The following TBX20 variants were observed in gnomAD, a reference collection of about 807,000 sequenced individuals.
TBX20 encodes T-box transcription factor 20.
Under a neutral mutation model 42.9 loss-of-function variants are expected in TBX20, and 8 were observed. That is an observed-to-expected ratio of 0.19 (90% CI 0.11 to 0.34). TBX20 has a LOEUF of 0.34. TBX20 is among the 10% of genes least tolerant of loss of function. The pLI, the probability that TBX20 is intolerant of heterozygous loss-of-function variation, is 1.00. For missense variants in TBX20, 411 were observed against 566.0 expected, an observed-to-expected ratio of 0.73 and a Z score of 2.78; for synonymous variants, 198 against 222.8, an observed-to-expected ratio of 0.89 and a Z score of 0.99.
intron 6 of TBX20, among the ~76,000 whole-genome samples, chr7:35,228,931 A>G (rs1789822409): frequency 6.6e-6 from 1 of 152,184 alleles, no homozygotes; most frequent in African/African-American, 2.4e-5. Context: ...GCTACACACA[A>G]AGTGAGACAT....
rs755600154 is a variant in TBX20, at chr7:35,250,046, C to T, written c.285G>A (p.Glu95=). ...LIPTTPIIPS[E]EMAKIACSLE... ...GGCTGCAGGCAATTTTGGCCATTTCCTCACTGGGGATGATGGGGGTGGTGG... is the reference window on the plus strand; with the variant it reads ...GGCTGCAGGCAATTTTGGCCATTTCTTCACTGGGGATGATGGGGGTGGTGG... Residue 95 remains glutamate, a synonymous_variant, in exon 2 of 8, where the codon GAG becomes GAA. Coordinates refer to ENST00000408931, the MANE Select transcript of TBX20 (RefSeq NM_001077653.2). 10 of 1,614,004 alleles carry T rather than the reference C, an allele frequency of 6.2e-6. No homozygotes were observed. The highest frequency in any genetic ancestry group is 2.2e-5 in the East Asian group (1 of 44,864).
At position 35,241,063 on chromosome 7, in the gene TBX20, G is replaced by T. The variant is rs758816182; in HGVS notation, c.655-26C>A. 5 of 1,609,568 alleles carry T rather than the reference G, an allele frequency of 3.1e-6. No homozygotes were observed. In the East Asian group the frequency reaches 1.1e-4, roughly 36 times the overall value. ...CTACAACAAAAAGATGGGAAGTACT[G>T]AATTTTACATACTTATACTGCTAAA... On this transcript the variant is annotated intron_variant, in intron 4 of 7. Coordinates refer to ENST00000408931, the MANE Select transcript of TBX20 (RefSeq NM_001077653.2).
At chr7:35,207,887 T>C (rs1584339559) in intron 6 of TBX20, among the ~76,000 whole-genome samples, 1 of 152,194 alleles carries the variant, frequency 6.6e-6, no homozygotes, top group Non-Finnish European at 1.5e-5. Context: ...ATTAGTACTC[T>C]ATCTTTTTTT....
At chr7:35,225,226 GC>G (rs1238065114) in intron 6 of TBX20, among the ~76,000 whole-genome samples, 1 of 152,006 alleles carries the variant, frequency 6.6e-6, no homozygotes, top group Non-Finnish European at 1.5e-5. Flanking sequence ...ACAAAAGTAA[GC>G]ATCTCCAAAA....
At chr7:35,215,839 C>T (rs1446940596) in intron 6 of TBX20, among the ~76,000 whole-genome samples, 2 of 152,138 alleles carry the variant, frequency 1.3e-5, no homozygotes, top group Non-Finnish European at 2.9e-5. Context: ...TCTGCCAAAA[C>T]ATTCAGAACC....
In TBX20 at chr7:35,206,502, G is replaced by A. The variant is rs186064456; in HGVS notation, c.891-1920C>T. On this transcript the variant is annotated intron_variant, in intron 6 of 7. Coordinates refer to ENST00000408931, the MANE Select transcript of TBX20 (RefSeq NM_001077653.2). ...GCAGAGGCTGCAGTGAGCCGAGATC[G>A]TGCCACTTCACTCCAGCCTAGACAA... 5.8e-4 allele frequency among the ~76,000 whole-genome samples: 88 copies of A among 152,240 alleles called. 1 individual carries two copies. The highest frequency in any genetic ancestry group is 4.1e-3 in the Admixed American group (63 of 15,284).
intron 6 of TBX20, among the ~76,000 whole-genome samples, chr7:35,210,118 T>G (rs1014416726): frequency 6.8e-6 from 1 of 148,122 alleles, no homozygotes; most frequent in African/African-American, 2.5e-5. Flanking sequence ...TATTTTCTTT[T>G]TTTTTTTTTT....
intron 5 of TBX20, among the ~76,000 whole-genome samples, chr7:35,231,930 C>A (rs1313384492): frequency 6.6e-6 from 1 of 152,088 alleles, no homozygotes; most frequent in Non-Finnish European, 1.5e-5. Flanking sequence ...ATGGGAGAAC[C>A]ACCTAAATGG....
In TBX20 at chr7:35,250,120, T is replaced by G. The variant is rs1790275819; in HGVS notation, c.211A>C (p.Ser71Arg). The G allele has an allele frequency of 6.2e-7, 1 of 1,613,870 alleles. No individual in the cohort carries two copies. ...LDAHGEFGGGSGSSPSSSSLC... is the reference protein window; with the variant it reads ...LDAHGEFGGGRGSSPSSSSLC... ...GAGGAGGAGGACGGGCTGCTGCCAC[T>G]GCCTCCACCAAACTCCCCATGAGCA... The change falls in exon 2 of 8, where the codon AGT becomes CGT. Residue 71 changes from serine (S) to arginine (R), a missense_variant. Ser to Arg is a moderately radical substitution (Grantham distance 110). This residue lies in a region of TBX20 where 114 missense variants were observed against 128.0 expected (regional missense o/e 0.89). Transcript: ENST00000408931.
At chr7:35,231,474 A>G in intron 6 of TBX20, 30 bp downstream of exon 6, 1 of 1,527,860 alleles carries the variant, frequency 6.5e-7, no homozygotes. Flanking sequence ...TCTTATCTGA[A>G]CAAGAAAGTA....
intron 6 of TBX20, among the ~76,000 whole-genome samples, chr7:35,208,689 C>T (rs1789441582): frequency 8.1e-6 from 1 of 123,280 alleles, no homozygotes; most frequent in African/African-American, 3.1e-5. Context: ...TTGCAGTGAG[C>T]CAAGATTGAG....
At chr7:35,246,134 G>A (rs1790179340) in intron 3 of TBX20, among the ~76,000 whole-genome samples, 1 of 152,144 alleles carries the variant, frequency 6.6e-6, no homozygotes, top group Non-Finnish European at 1.5e-5. Flanking sequence ...TTGTCACACA[G>A]AGGACTACGA....
chr7:35,252,915 T>A (rs945756473), intron 1 of TBX20, among the ~76,000 whole-genome samples: 1 of 152,196 alleles, frequency 6.6e-6, no homozygotes, highest in Admixed American at 6.5e-5. Flanking sequence ...CTGGTTAGTG[T>A]TTTTGCCAAC....
intron 5 of TBX20, among the ~76,000 whole-genome samples, chr7:35,235,361 G>A (rs1584352605): frequency 6.6e-6 from 1 of 150,902 alleles, no homozygotes; most frequent in East Asian, 1.9e-4. Flanking sequence ...ATTTCAGGTG[G>A]ACACCATTTC....
At position 35,235,983 on chromosome 7, in the gene TBX20, C is replaced by T. The variant is rs1026512168; in HGVS notation, c.814-4403G>A. 5.9e-5 allele frequency among the ~76,000 whole-genome samples: 9 copies of T among 152,010 alleles called. 1 individual carries two copies. Among genetic ancestry groups the T allele is most frequent in the African/African-American group, 2.2e-4 (9 of 41,398 alleles). On this transcript the variant is annotated intron_variant, in intron 5 of 7. Coordinates refer to ENST00000408931, the MANE Select transcript of TBX20 (RefSeq NM_001077653.2). ...ACTTCAACTCTACAGCAATGGTCTG[C>T]CTGCTCAAAAACAATGCATGACCTT...
At chr7:35,203,547 T>C (rs1027803448) in intron 7 of TBX20, among the ~76,000 whole-genome samples, 3 of 152,236 alleles carry the variant, frequency 2.0e-5, no homozygotes, top group African/African-American at 7.2e-5. Context: ...ACTTTTTCTC[T>C]AGCTTGATTA....
chr7:35,219,355 A>C (rs1295965666), intron 6 of TBX20, among the ~76,000 whole-genome samples: 1 of 140,942 alleles, frequency 7.1e-6, no homozygotes, highest in Non-Finnish European at 1.5e-5. Context: ...TACAATACTT[A>C]ACAACAACAA....
At chr7:35,208,677 G>A (rs1195725480) in intron 6 of TBX20, among the ~76,000 whole-genome samples, 6 of 136,088 alleles carry the variant, frequency 4.4e-5, no homozygotes. Context: ...AGAAGCTGGA[G>A]GTTGCAGTGA....
At chr7:35,217,440 T>C (rs1271553246) in intron 6 of TBX20, among the ~76,000 whole-genome samples, 3 of 152,190 alleles carry the variant, frequency 2.0e-5, no homozygotes, top group Admixed American at 6.5e-5. Flanking sequence ...AAAAGAAGGA[T>C]AATTTACAAC....
Sources: allele counts gnomAD v4.1 joint callset (sites outside exome capture counted in the v4.1 genomes callset), GRCh38; gene constraint gnomAD v4.1.1; regional missense constraint gnomAD v4.1.1; transcripts MANE v1.5; gene names NCBI Gene and HGNC (gene_info 2026-07-23, HGNC 2026-07-21).